The following TCERG1L variants were observed in gnomAD, a reference collection of about 807,000 sequenced individuals.
The protein encoded by TCERG1L is transcription elongation regulator 1-like protein.
Under a neutral mutation model 56.3 loss-of-function variants are expected in TCERG1L, and 37 were observed. The observed-to-expected ratio is 0.66, with a 90% confidence interval of 0.51 to 0.87. The LOEUF (loss-of-function observed/expected upper bound fraction) is 0.87, where lower values mean the gene tolerates loss of function less well. Among genes scored for constraint, TCERG1L ranks in the 40% least tolerant of loss-of-function variants. The probability of loss-of-function intolerance (pLI) is 0.00; values close to 1 mark genes in which losing one functional copy is unlikely to be tolerated. For missense variants in TCERG1L, 799 were observed against 774.2 expected (o/e 1.03, Z -0.38); for synonymous variants, 324 against 326.3 (o/e 0.99, Z 0.08).
At position 131,198,302 on chromosome 10, in the gene TCERG1L, G is replaced by A. The variant is rs143610882; in HGVS notation, c.857-31417C>T. 5.3e-4 allele frequency among the ~76,000 whole-genome samples: 81 copies of A among 152,342 alleles called. No individual in the cohort carries two copies. The Middle Eastern group carries it at 0.017, about 32-fold the overall frequency. On this transcript the variant is annotated intron_variant, in intron 4 of 11. Transcript: ENST00000368642. Reference sequence around the variant, plus strand: ...AGAAATTACACATCCAACTTGGGAGGAATTTCCCAGACTGGCTTCTGGCTC... The same window carrying A: ...AGAAATTACACATCCAACTTGGGAGAAATTTCCCAGACTGGCTTCTGGCTC...
intron 4 of TCERG1L, among the ~76,000 whole-genome samples, chr10:131,176,529 AAC>A (rs1236508781): frequency 1.5e-4 from 4 of 27,208 alleles, no homozygotes; most frequent in African/African-American, 2.8e-4. Flanking sequence ...TGCACACACA[AAC>A]ACGTGTACAC....
intron 3 of TCERG1L, among the ~76,000 whole-genome samples, chr10:131,270,364 AACTAACTTTCCCCAAAGG>A (rs1387015518): frequency 6.6e-6 from 1 of 152,232 alleles, no homozygotes; most frequent in Non-Finnish European, 1.5e-5. Flanking sequence ...TAAATACCAT[AACTAACTTTCCCCAAAGG>A]ACCACAGGGA....
At position 131,260,007 on chromosome 10, in the gene TCERG1L, C is replaced by T. The variant is rs1336637750; in HGVS notation, c.856+252G>A. On this transcript the variant is annotated intron_variant, in intron 4 of 11. Coordinates refer to ENST00000368642, the MANE Select transcript of TCERG1L (RefSeq NM_174937.4). This position sits in a 1 kb window ranked among gnomAD's most constrained non-coding sequence, Gnocchi z 5.8. ...TAAAGAGAAGTCTCATTTCCTCAAA[C>T]GGAAGCTTTCACCTTGGCTTTACAG... Among the ~76,000 whole-genome samples, 1 of 152,258 alleles carries T rather than the reference C, an allele frequency of 6.6e-6. No homozygotes were observed. The highest frequency in any genetic ancestry group is 2.4e-5 in the African/African-American group (1 of 41,484).
chr10:131,145,747 T>C (rs1845788305), intron 7 of TCERG1L, among the ~76,000 whole-genome samples: 1 of 152,248 alleles, frequency 6.6e-6, no homozygotes, highest in African/African-American at 2.4e-5. Context: ...CCCCTTTCAC[T>C]GGCCTGGCCT....
chr10:131,149,816 A>G (rs1845844032), intron 6 of TCERG1L, among the ~76,000 whole-genome samples: 1 of 152,176 alleles, frequency 6.6e-6, no homozygotes, highest in Non-Finnish European at 1.5e-5. Flanking sequence ...GCGGGGGTGC[A>G]GGGAGTGAAG....
intron 4 of TCERG1L, among the ~76,000 whole-genome samples, chr10:131,251,925 A>G (rs1846115500): frequency 6.6e-6 from 1 of 152,164 alleles, no homozygotes; most frequent in African/African-American, 2.4e-5. Context: ...TCCTGGTTCA[A>G]CAATGACTTT....
intron 8 of TCERG1L, among the ~76,000 whole-genome samples, chr10:131,133,361 G>A (rs1268438203): frequency 6.6e-6 from 1 of 152,180 alleles, no homozygotes; most frequent in Non-Finnish European, 1.5e-5. Flanking sequence ...AAACGCATAC[G>A]ACACTGAGAT....
At chr10:131,143,464 C>A (rs1845760019) in intron 7 of TCERG1L, among the ~76,000 whole-genome samples, 1 of 152,142 alleles carries the variant, frequency 6.6e-6, no homozygotes. Flanking sequence ...AGGGCCCCAG[C>A]TCCAACAATT....
At chr10:131,273,533 A>G (rs1199591700) in intron 3 of TCERG1L, among the ~76,000 whole-genome samples, 1 of 152,254 alleles carries the variant, frequency 6.6e-6, no homozygotes, top group Admixed American at 6.5e-5. Flanking sequence ...GGTGACTCTC[A>G]AAGTGAAACG....
rs1845482221 is a variant in TCERG1L at position 131,118,463 on chromosome 10, C to T, written c.1260-1529G>A. ...TAGGCCTAGGATTCTGAACTTCATG[C>T]TCACCTTTGCATTGCCCAATGTGAG... On this transcript the variant is annotated intron_variant, in intron 8 of 11. Coordinates refer to ENST00000368642, the MANE Select transcript of TCERG1L (RefSeq NM_174937.4). The surrounding 1 kb of genome is among the most constrained non-coding windows in gnomAD (Gnocchi z 4.2). 6.6e-6 allele frequency among the ~76,000 whole-genome samples: 1 copy of T among 152,168 alleles called. No individual in the cohort carries two copies. Among genetic ancestry groups the T allele is most frequent in the Non-Finnish European group, 1.5e-5 (1 of 68,036 alleles).
chr10:131,268,462 T>TA (rs760688484), intron 3 of TCERG1L, among the ~76,000 whole-genome samples: 1 of 152,152 alleles, frequency 6.6e-6, no homozygotes, highest in African/African-American at 2.4e-5. Flanking sequence ...GCCTTCAACT[T>TA]AAAGTCACAA....
chr10:131,245,624 G>A lies in TCERG1L; in HGVS notation c.856+14635C>T, dbSNP rs1026926709. On this transcript the variant is annotated intron_variant, in intron 4 of 11. Transcript: ENST00000368642. ...CTACGTGTCCTGCCCACAGGCCGCC[G>A]CCACATGTGGCTCTCTGGTAACCTT... 9.2e-5 allele frequency among the ~76,000 whole-genome samples: 14 copies of A among 152,308 alleles called. No homozygotes were observed. The South Asian group carries it at 1.9e-3, about 20-fold the overall frequency.
At chr10:131,195,854 C>T (rs1845356750) in intron 4 of TCERG1L, among the ~76,000 whole-genome samples, 1 of 152,240 alleles carries the variant, frequency 6.6e-6, no homozygotes, top group African/African-American at 2.4e-5. Context: ...GGGCGCGGCT[C>T]TCCTGGCTCC....
chr10:131,174,501 C>T (rs1589736746), intron 4 of TCERG1L, among the ~76,000 whole-genome samples: 1 of 152,006 alleles, frequency 6.6e-6, no homozygotes, highest in African/African-American at 2.4e-5. Flanking sequence ...GCAGGCAGGG[C>T]CCACCGCTGC....
chr10:131,166,980 G>T, intron 4 of TCERG1L, 95 bp from the exon 5 acceptor site: 6 of 1,080,766 alleles, frequency 5.6e-6, no homozygotes, highest in Non-Finnish European at 8.0e-6. Context: ...CTGAAGATTA[G>T]AATTGGTCAG....
chr10:131,206,666 C>T (rs915144191), intron 4 of TCERG1L, among the ~76,000 whole-genome samples: 7 of 152,132 alleles, frequency 4.6e-5, no homozygotes, highest in East Asian at 3.9e-4. Flanking sequence ...ACAAGAGCAT[C>T]GTGAGGGGTG....
intron 6 of TCERG1L, among the ~76,000 whole-genome samples, chr10:131,155,479 T>C (rs1034076404): frequency 1.3e-5 from 2 of 152,212 alleles, no homozygotes; most frequent in African/African-American, 4.8e-5. Flanking sequence ...CACAGGTTTC[T>C]GCACACAGGT....
chr10:131,283,219 T>C (rs557581321), intron 3 of TCERG1L, among the ~76,000 whole-genome samples: 3 of 152,342 alleles, frequency 2.0e-5, no homozygotes, highest in Non-Finnish European at 4.4e-5. Flanking sequence ...TGCCAAAGGC[T>C]GATCAGGCCT....
At chr10:131,130,747 C>A (rs1845609562) in intron 8 of TCERG1L, among the ~76,000 whole-genome samples, 1 of 152,116 alleles carries the variant, frequency 6.6e-6, no homozygotes, top group Non-Finnish European at 1.5e-5. Flanking sequence ...TGACAACCAG[C>A]CTTGTGGAGA....
Sources: allele counts gnomAD v4.1 joint callset (sites outside exome capture counted in the v4.1 genomes callset), GRCh38; gene constraint gnomAD v4.1.1; non-coding constraint Gnocchi (gnomAD v3.1); transcripts MANE v1.5; gene names NCBI Gene and HGNC (gene_info 2026-07-23, HGNC 2026-07-21).